GATAD2A: variants seen among roughly 807,000 people sequenced by gnomAD.
GATAD2A encodes transcriptional repressor p66-alpha.
Under a neutral mutation model 68.5 loss-of-function variants are expected in GATAD2A, and 12 were observed. The observed-to-expected ratio is 0.18, with a 90% CI of 0.11 to 0.28. The LOEUF (loss-of-function observed/expected upper bound fraction) is 0.28. GATAD2A is among the 10% of genes least tolerant of loss of function. GATAD2A has a pLI of 1.00. For synonymous variants in GATAD2A, 410 were observed against 375.3 expected, an observed-to-expected ratio of 1.09 and a Z score of -1.07; for missense variants, 755 against 868.5, an observed-to-expected ratio of 0.87 and a Z score of 1.64.
At chr19:19,431,146 A>G (rs927870374) in intron 1 of GATAD2A, among the ~76,000 whole-genome samples, 1 of 151,932 alleles carries the variant, frequency 6.6e-6, no homozygotes, top group Non-Finnish European at 1.5e-5. Flanking sequence ...GGTTGGAGAT[A>G]AAAACAGTAA....
intron 1 of GATAD2A, among the ~76,000 whole-genome samples, chr19:19,464,504 G>T (rs887693018): frequency 6.6e-6 from 1 of 152,204 alleles, no homozygotes; most frequent in Non-Finnish European, 1.5e-5. Context: ...TCCTGTCTCC[G>T]TGAGGGTTAA....
chr19:19,465,326 T>C lies in GATAD2A; in HGVS notation c.-6-14T>C, dbSNP rs2057785455. On this transcript the variant is annotated splice_polypyrimidine_tract_variant and intron_variant, in intron 1 of 11. Coordinates refer to ENST00000683918, the MANE Select transcript of GATAD2A (RefSeq NM_001384528.1). ...CACCCAGTTAAAATGTTGTGTCTTC[T>C]CCTCCCTCCCAAGTTCAGAATGACC... 1 of 1,609,070 alleles carries C rather than the reference T, an allele frequency of 6.2e-7. No homozygotes were observed. The highest frequency in any genetic ancestry group is 8.5e-7 in the Non-Finnish European group (1 of 1,175,570).
intron 1 of GATAD2A, among the ~76,000 whole-genome samples, chr19:19,413,730 A>G (rs1228658925): frequency 6.6e-6 from 1 of 151,874 alleles, no homozygotes; most frequent in African/African-American, 2.4e-5. Context: ...GATTACAGAC[A>G]CCCATAACTT....
rs916785060 is a variant in GATAD2A, at chr19:19,497,343, G to A, written c.925-1100G>A. ...ACTCCTGACCTTAAGTGATCCGCCC[G>A]ACTTGGCCTCCCAAAGTGCTGGGAT... is the stretch of plus-strand genomic sequence containing the variant. On this transcript the variant is annotated intron_variant, in intron 7 of 11. Transcript: ENST00000683918. Among the ~76,000 whole-genome samples the A allele has an allele frequency of 5.9e-5, 9 of 152,224 alleles. No individual in the cohort carries two copies. In the South Asian group the frequency reaches 6.2e-4, roughly 11 times the overall value.
rs542495730 is a variant in GATAD2A at position 19,412,787 on chromosome 19, A to T, written c.-7+6768A>T. Among the ~76,000 whole-genome samples the T allele has an allele frequency of 1.3e-4, 20 of 152,296 alleles. 1 individual carries two copies. The highest frequency in any genetic ancestry group is 4.3e-4 in the African/African-American group (18 of 41,556). ...GTCAGTGGCTGTGAATCTATACTCA[A>T]CACATTCTTACCTTAGAGACGGCTG... On this transcript the variant is annotated intron_variant, in intron 1 of 11. Transcript: ENST00000683918.
intron 1 of GATAD2A, among the ~76,000 whole-genome samples, chr19:19,396,974 G>A (rs2049300350): frequency 6.6e-6 from 1 of 152,190 alleles, no homozygotes; most frequent in Non-Finnish European, 1.5e-5. Context: ...CCCAAAGTGT[G>A]GGATTACAGG....
rs2060943081 is a variant in GATAD2A at position 19,508,059 on chromosome 19, GC to G, written c.*2588del. The G allele has an allele frequency of 1.3e-5, 2 of 152,124 alleles. No homozygotes were observed. The highest frequency in any genetic ancestry group is 6.5e-5 in the Admixed American group (1 of 15,272). The allele number at this position is 152,124 out of a possible 1,614,324, so 9.4% of individuals were successfully genotyped here. ...CACTGCCTGGGTCCTGGTCCCGAGA[GC>G]CCTACCAGGATCAGGTTCCTGCAAG... is the stretch of plus-strand genomic sequence containing the variant. On this transcript the variant is annotated 3_prime_UTR_variant, in exon 12 of 12. Transcript: ENST00000683918.
intron 2 of GATAD2A, among the ~76,000 whole-genome samples, chr19:19,482,829 A>T (rs973072080): frequency 6.6e-6 from 1 of 151,996 alleles, no homozygotes; most frequent in African/African-American, 2.4e-5. Context: ...GCTGGATTTG[A>T]TGTGGCCTCC....
chr19:19,501,472 G>A lies in GATAD2A; in HGVS notation c.1503+56G>A, dbSNP rs765799647. On this transcript the variant is annotated intron_variant, in intron 9 of 11. Coordinates refer to ENST00000683918, the MANE Select transcript of GATAD2A (RefSeq NM_001384528.1). Reference sequence around the variant, plus strand: ...CCCTAGGAGGCAGAGGCCGTTCCGCGATCCACCCCACGCCTGCGCTGCACC... The same window carrying A: ...CCCTAGGAGGCAGAGGCCGTTCCGCAATCCACCCCACGCCTGCGCTGCACC... 15 of 1,363,526 alleles carry A rather than the reference G, an allele frequency of 1.1e-5. No homozygotes were observed. In the African/African-American group the frequency reaches 1.3e-4, roughly 12 times the overall value. The allele number at this position is 1,363,526 out of a possible 1,614,324, so 84.5% of individuals were successfully genotyped here. A position where few individuals can be genotyped will look rare whatever the true frequency, so the allele number is the denominator to read the frequency against.
chr19:19,441,522 AC>A (rs1398099817), intron 1 of GATAD2A, among the ~76,000 whole-genome samples: 1 of 151,778 alleles, frequency 6.6e-6, no homozygotes, highest in Admixed American at 6.6e-5. Flanking sequence ...CAACAGATGC[AC>A]CACCATGTCC....
At chr19:19,387,204 C>A (rs1033777752) in intron 1 of GATAD2A, among the ~76,000 whole-genome samples, 5 of 151,766 alleles carry the variant, frequency 3.3e-5, no homozygotes, top group African/African-American at 1.2e-4. Context: ...CCTTCTTCCC[C>A]GGGGGACCCC....
At chr19:19,406,543 G>T (rs1454154937) in intron 1 of GATAD2A, among the ~76,000 whole-genome samples, 1 of 152,090 alleles carries the variant, frequency 6.6e-6, no homozygotes, top group Non-Finnish European at 1.5e-5. Context: ...CCCCCAGCTC[G>T]CGCCCTTCCT....
intron 1 of GATAD2A, among the ~76,000 whole-genome samples, chr19:19,386,560 C>T (rs1236644871): frequency 1.3e-5 from 2 of 151,912 alleles, no homozygotes; most frequent in South Asian, 2.1e-4. Flanking sequence ...CAGGGGACCC[C>T]GCTTCTCTAG....
At chr19:19,461,047 G>A (rs1275716719) in intron 1 of GATAD2A, among the ~76,000 whole-genome samples, 1 of 152,172 alleles carries the variant, frequency 6.6e-6, no homozygotes, top group Non-Finnish European at 1.5e-5. Context: ...GGGGGTGGAT[G>A]GTGTTCCCTC....
At chr19:19,444,555 A>G (rs2055480423) in intron 1 of GATAD2A, among the ~76,000 whole-genome samples, 1 of 152,152 alleles carries the variant, frequency 6.6e-6, no homozygotes, top group Admixed American at 6.5e-5. Context: ...TGTGACGTTG[A>G]GGCCTGTGGC....
chr19:19,393,512 T>G (rs544854256), intron 1 of GATAD2A, among the ~76,000 whole-genome samples: 1 of 152,304 alleles, frequency 6.6e-6, no homozygotes, highest in East Asian at 1.9e-4. Context: ...ATTTTCATGC[T>G]TGGTGATGGG....
In GATAD2A at chr19:19,507,700, C is replaced by T. The variant is rs1439219693; in HGVS notation, c.*2226C>T. ...CCCCTCGAAAGGGAGAGGGTCGGCCCCATGTCCCCAGGGAGCATTCCATCA... is the reference window on the plus strand; with the variant it reads ...CCCCTCGAAAGGGAGAGGGTCGGCCTCATGTCCCCAGGGAGCATTCCATCA... On this transcript the variant is annotated 3_prime_UTR_variant, in exon 12 of 12. Transcript: ENST00000683918. 2.0e-5 allele frequency: 3 copies of T among 152,242 alleles called. No individual in the cohort carries two copies. The East Asian group carries it at 5.8e-4, about 29-fold the overall frequency. 9.4% of individuals were successfully genotyped at this position (152,242 alleles called of 1,614,324 possible). A position where few individuals can be genotyped will look rare whatever the true frequency, so the allele number is the denominator to read the frequency against.
intron 1 of GATAD2A, among the ~76,000 whole-genome samples, chr19:19,438,359 A>C (rs1049619200): frequency 6.6e-6 from 1 of 152,102 alleles, no homozygotes; most frequent in African/African-American, 2.4e-5. Context: ...GATCTACCTC[A>C]GTCTCCCAAA....
At chr19:19,398,931 C>T (rs960086213) in intron 1 of GATAD2A, among the ~76,000 whole-genome samples, 48 of 152,086 alleles carry the variant, frequency 3.2e-4, no homozygotes, top group African/African-American at 1.0e-3. Context: ...CAGTGGCGGG[C>T]GCCTGTAATC....
Sources: gnomAD v4.1 joint callset for allele counts (sites outside exome capture counted in the v4.1 genomes callset) on GRCh38, gnomAD v4.1.1 for gene constraint, MANE v1.5 for transcripts, NCBI Gene and HGNC (gene_info 2026-07-23, HGNC 2026-07-21) for gene names.